The following STK39 variants were observed in gnomAD, a reference collection of about 807,000 sequenced individuals.
The protein encoded by STK39 is serine/threonine kinase 39.
In STK39, 20 loss-of-function variants were observed where a neutral mutation model predicts 77.8. That is an observed-to-expected ratio of 0.26 (90% CI 0.18 to 0.37). The LOEUF (loss-of-function observed/expected upper bound fraction) is 0.37, where lower values mean the gene tolerates loss of function less well. STK39 is among the 10% of genes least tolerant of loss of function. STK39 has a pLI of 1.00. For synonymous variants in STK39, 246 were observed against 234.1 expected (o/e 1.05, Z -0.47); for missense variants, 479 against 656.5 (o/e 0.73, Z 2.95).
At chr2:167,971,096 T>C (rs796196173) in intron 16 of STK39, among the ~76,000 whole-genome samples, 1 of 147,676 alleles carries the variant, frequency 6.8e-6, no homozygotes, top group Non-Finnish European at 1.5e-5. Flanking sequence ...TGAGTGAACA[T>C]GCAAGGTAAC....
At chr2:168,018,479 C>CAA (rs1684471632) in intron 14 of STK39, among the ~76,000 whole-genome samples, 1 of 138,054 alleles carries the variant, frequency 7.2e-6, no homozygotes, top group Non-Finnish European at 1.5e-5. Context: ...GGTGGCAGAG[C>CAA]AAGAGTTCAT....
intron 12 of STK39, among the ~76,000 whole-genome samples, chr2:168,070,250 C>A (rs1685904102): frequency 1.3e-5 from 2 of 152,010 alleles, no homozygotes. Flanking sequence ...TCCCACAGTG[C>A]CTAACACAGT....
intron 1 of STK39, among the ~76,000 whole-genome samples, chr2:168,233,337 C>A (rs1690509613): frequency 6.6e-6 from 1 of 152,158 alleles, no homozygotes; most frequent in African/African-American, 2.4e-5. Context: ...GTAAAACATT[C>A]TCTGTTACAG....
intron 1 of STK39, among the ~76,000 whole-genome samples, chr2:168,184,650 T>C (rs1431296789): frequency 3.3e-5 from 5 of 152,172 alleles, no homozygotes; most frequent in Non-Finnish European, 5.9e-5. Flanking sequence ...TATCTACCAT[T>C]CTGTGCACCA....
At chr2:168,242,019 A>G (rs59111477) in intron 1 of STK39, among the ~76,000 whole-genome samples, 3,907 of 152,272 alleles carry the variant, frequency 0.026, 172 homozygotes, top group African/African-American at 0.084. Flanking sequence ...AAAATGTACT[A>G]TACAATAAAC....
chr2:168,226,020 T>C (rs930897966), intron 1 of STK39, among the ~76,000 whole-genome samples: 2 of 152,126 alleles, frequency 1.3e-5, no homozygotes, highest in African/African-American at 4.8e-5. Context: ...AGAGAGAAGC[T>C]GGATGGGCCA....
intron 5 of STK39, among the ~76,000 whole-genome samples, chr2:168,155,748 A>C (rs10209630): frequency 0.21 from 31,299 of 152,140 alleles, 4,598 homozygotes; most frequent in African/African-American, 0.41. Flanking sequence ...TCAGCCTTTA[A>C]AATATGCAGT....
Position 168,187,137 on chromosome 2 carries a change from G to A in STK39, c.209-5047C>T, listed in dbSNP as rs556523391. Among the ~76,000 whole-genome samples, 321 of 152,294 alleles carry A rather than the reference G, an allele frequency of 2.1e-3. 1 individual carries two copies. Among genetic ancestry groups the A allele is most frequent in the Non-Finnish European group, 2.2e-3 (152 of 68,018 alleles). Reference sequence around the variant, plus strand: ...GGAGGCCAAGGCAGGTGGATCACAAGGTCAGGAATTTGAGACCAGCCTGAC... The same window carrying A: ...GGAGGCCAAGGCAGGTGGATCACAAAGTCAGGAATTTGAGACCAGCCTGAC... On this transcript the variant is annotated intron_variant, in intron 1 of 17. Transcript: ENST00000355999.
At chr2:168,035,626 C>T (rs1235672312) in intron 14 of STK39, among the ~76,000 whole-genome samples, 1 of 152,108 alleles carries the variant, frequency 6.6e-6, no homozygotes, top group Non-Finnish European at 1.5e-5. Context: ...AAATACTTAG[C>T]ACAAGGCAAT....
chr2:167,984,045 G>A (rs1683497043), intron 16 of STK39, among the ~76,000 whole-genome samples: 1 of 152,120 alleles, frequency 6.6e-6, no homozygotes, highest in South Asian at 2.1e-4. Context: ...TTGCATAGGA[G>A]GAAACTCAAG....
At chr2:168,054,852 T>C (rs1006902229) in intron 14 of STK39, among the ~76,000 whole-genome samples, 1 of 151,940 alleles carries the variant, frequency 6.6e-6, no homozygotes, top group Admixed American at 6.5e-5. Flanking sequence ...AAAGATAACA[T>C]CTAAACAAAA....
intron 1 of STK39, among the ~76,000 whole-genome samples, chr2:168,242,486 C>T (rs1388736616): frequency 1.4e-5 from 2 of 144,800 alleles, no homozygotes; most frequent in African/African-American, 5.1e-5. Flanking sequence ...GAGGCAGAGG[C>T]TGCAGTGAAC....
chr2:168,176,888 A>G (rs930777179), intron 2 of STK39, among the ~76,000 whole-genome samples: 1 of 152,208 alleles, frequency 6.6e-6, no homozygotes, highest in Admixed American at 6.5e-5. Context: ...GCTAGTAATT[A>G]GTATTTTTAT....
chr2:168,208,843 C>A (rs544090840), intron 1 of STK39, among the ~76,000 whole-genome samples: 87 of 152,304 alleles, frequency 5.7e-4, no homozygotes, highest in African/African-American at 2.1e-3. Flanking sequence ...GATGGAGCCA[C>A]AAGACTGAAG....
intron 1 of STK39, among the ~76,000 whole-genome samples, chr2:168,228,420 T>C (rs978879523): frequency 2.6e-5 from 4 of 152,186 alleles, no homozygotes; most frequent in African/African-American, 9.7e-5. Flanking sequence ...TGAGGTTACT[T>C]TTCCTCCTTT....
chr2:168,246,896 G>A (rs1171871887), intron 1 of STK39, among the ~76,000 whole-genome samples: 1 of 151,688 alleles, frequency 6.6e-6, no homozygotes, highest in African/African-American at 2.4e-5. Flanking sequence ...CCCGGCACGC[G>A]GGGGGAGGAA....
chr2:168,125,503 C>T (rs778544308), intron 10 of STK39, among the ~76,000 whole-genome samples: 1 of 152,166 alleles, frequency 6.6e-6, no homozygotes, highest in Non-Finnish European at 1.5e-5. Context: ...TCATTACTAG[C>T]ATGTTCTCAT....
chr2:168,101,604 G>A (rs983200053), intron 10 of STK39, among the ~76,000 whole-genome samples: 1 of 151,968 alleles, frequency 6.6e-6, no homozygotes, highest in Admixed American at 6.6e-5. Flanking sequence ...CAGGCATGGT[G>A]GCGTGCACCT....
intron 14 of STK39, among the ~76,000 whole-genome samples, chr2:168,050,195 A>G (rs1011984738): frequency 2.0e-5 from 3 of 152,196 alleles, no homozygotes; most frequent in African/African-American, 7.2e-5. Flanking sequence ...TCACTGCCCT[A>G]CTTCAGGGAA....
Sources: gnomAD v4.1 joint callset for allele counts (sites outside exome capture counted in the v4.1 genomes callset) on GRCh38, gnomAD v4.1.1 for gene constraint, MANE v1.5 for transcripts, NCBI Gene and HGNC (gene_info 2026-07-23, HGNC 2026-07-21) for gene names.